Variants in CCR3 observed in about 807,000 individuals in gnomAD.
CCR3 encodes the protein C-C motif chemokine receptor 3.
For synonymous variants in CCR3, 203 were observed against 179.2 expected, an observed-to-expected ratio of 1.13 and a Z score of -1.06; for missense variants, 419 against 437.5, an observed-to-expected ratio of 0.96 and a Z score of 0.38.
Position 46,255,913 on chromosome 3 carries a change from AT to A in CCR3, c.-11-9227del, listed in dbSNP as rs372773047. On this transcript the variant is annotated intron_variant, in intron 1 of 1. Coordinates refer to ENST00000395940, the MANE Select transcript of CCR3 (RefSeq NM_178329.3). The stretch of plus-strand genomic sequence containing the variant: ...TTTTTGGTTCCATGTGAATTTTGGG[AT>A]TTTTTTTCAAGTTCTGTGAAGAATA... Among the ~76,000 whole-genome samples, 200 of 150,676 alleles carry A rather than the reference AT, an allele frequency of 1.3e-3. 1 individual carries two copies. Among genetic ancestry groups the A allele is most frequent in the African/African-American group, 4.3e-3 (178 of 41,014 alleles).
chr3:46,249,116 C>T (rs1313052511), intron 1 of CCR3, among the ~76,000 whole-genome samples: 2 of 151,878 alleles, frequency 1.3e-5, no homozygotes, highest in Non-Finnish European at 2.9e-5. Flanking sequence ...CATGATTGGT[C>T]GCCAAGGAGG....
intron 1 of CCR3, among the ~76,000 whole-genome samples, chr3:46,255,072 TA>T (rs1319124675): frequency 6.8e-5 from 10 of 147,356 alleles, no homozygotes; most frequent in African/African-American, 2.5e-4. Flanking sequence ...TTTTTTTTTT[TA>T]TTATTATAGC....
At chr3:46,236,963 C>T (rs530056223) in intron 2 of CCR3, among the ~76,000 whole-genome samples, 2 of 152,336 alleles carry the variant, frequency 1.3e-5, no homozygotes, top group Admixed American at 1.3e-4. Flanking sequence ...CAAATTACCT[C>T]TTGTGAAATT....
chr3:46,262,820 A>G (rs1455068596), intron 1 of CCR3, among the ~76,000 whole-genome samples: 1 of 152,042 alleles, frequency 6.6e-6, no homozygotes, highest in Non-Finnish European at 1.5e-5. Flanking sequence ...ATGCCTGGCT[A>G]ATTTCTTATT....
Position 46,265,816 on chromosome 3 carries a change from A to C in CCR3, c.658A>C (p.Thr220Pro). Residue 220 changes from threonine (T) to proline (P), a missense_variant, in exon 2 of 2, where the codon ACA becomes CCA. Physicochemically the swap from Thr to Pro is conservative, Grantham distance 38. Coordinates refer to ENST00000395940, the MANE Select transcript of CCR3 (RefSeq NM_178329.3). Reference protein sequence around the residue: ...LPLLVMAICYTGIIKTLLRCP... With the variant: ...LPLLVMAICYPGIIKTLLRCP... ...TCTGCTCGTTATGGCCATCTGCTACACAGGAATCATCAAAACGCTGCTGAG... is the reference window on the plus strand; with the variant it reads ...TCTGCTCGTTATGGCCATCTGCTACCCAGGAATCATCAAAACGCTGCTGAG... 6.2e-7 allele frequency: 1 copy of C among 1,614,044 alleles called. No individual in the cohort carries two copies. Among genetic ancestry groups the C allele is most frequent in the Non-Finnish European group, 8.5e-7 (1 of 1,180,000 alleles).
chr3:46,229,070 T>C lies in CCR3; in HGVS notation c.-67-13332T>C, dbSNP rs572239127. Among the ~76,000 whole-genome samples, 203 of 152,352 alleles carry C rather than the reference T, an allele frequency of 1.3e-3. 2 individuals carry two copies. The highest frequency in any genetic ancestry group is 4.1e-3 in the African/African-American group (171 of 41,586). On this transcript the variant is annotated intron_variant, in intron 2 of 3. Coordinates refer to the CCR3 transcript ENST00000357422. ...AGCTTGTGGGCACATAGGTAGACTG[T>C]ATTTCCAGTCTCTCTTGCATGTGCG...
chr3:46,256,271 C>T (rs1037932247), intron 1 of CCR3, among the ~76,000 whole-genome samples: 2 of 152,074 alleles, frequency 1.3e-5, no homozygotes, highest in Non-Finnish European at 2.9e-5. Context: ...ATTATTACAT[C>T]TGGCTTTTCA....
At chr3:46,240,673 A>G (rs184081710), upstream of CCR3, among the ~76,000 whole-genome samples, 22 of 152,294 alleles carry the variant, frequency 1.4e-4, no homozygotes, top group East Asian at 3.7e-3. Context: ...TGTCATGACA[A>G]CTATGATAAG....
At position 46,266,154 on chromosome 3, in the gene CCR3, T is replaced by C; in HGVS notation, c.996T>C (p.Pro332=). 1.2e-6 allele frequency: 2 copies of C among 1,614,054 alleles called. No homozygotes were observed. The highest frequency in any genetic ancestry group is 1.7e-6 in the Non-Finnish European group (2 of 1,179,974). The part of the protein sequence containing the change: ...MHLGRYIPFL[P]SEKLERTSSV... The stretch of plus-strand genomic sequence containing the variant: ...TGGGCAGATACATCCCATTCCTTCC[T>C]AGTGAGAAGCTGGAAAGAACCAGCT... Residue 332 remains proline, a synonymous_variant, in exon 2 of 2, where the codon CCT becomes CCC. Transcript: ENST00000395940.
intron 2 of CCR3, among the ~76,000 whole-genome samples, chr3:46,220,532 A>G (rs772531487): frequency 6.6e-6 from 1 of 152,224 alleles, no homozygotes; most frequent in African/African-American, 2.4e-5. Flanking sequence ...AGTCGTTACA[A>G]TGAAAAAGGC....
chr3:46,266,110 A>C lies in CCR3; in HGVS notation c.952A>C (p.Arg318=). ...FRKYLRHFFH[R]HLLMHLGRYI... ...GAAGTACCTGCGCCACTTCTTCCACAGGCACTTGCTCATGCACCTGGGCAG... is the reference window on the plus strand; with the variant it reads ...GAAGTACCTGCGCCACTTCTTCCACCGGCACTTGCTCATGCACCTGGGCAG... The change falls in exon 2 of 2, where the codon AGG becomes CGG. Residue 318 remains arginine (R), a synonymous_variant. Transcript: ENST00000395940. 6.2e-7 allele frequency: 1 copy of C among 1,614,048 alleles called. No homozygotes were observed.
chr3:46,223,632 A>G (rs185069956), intron 2 of CCR3, among the ~76,000 whole-genome samples: 2 of 152,160 alleles, frequency 1.3e-5, no homozygotes, highest in Admixed American at 6.5e-5. Context: ...GTGTGCATGT[A>G]TGTATGTGTG....
chr3:46,246,917 G>C (rs1450548597), intron 1 of CCR3, among the ~76,000 whole-genome samples: 2 of 151,884 alleles, frequency 1.3e-5, no homozygotes, highest in Non-Finnish European at 2.9e-5. Context: ...TGTGGTAAGG[G>C]GTGATATTGT....
upstream of CCR3, among the ~76,000 whole-genome samples, chr3:46,237,824 A>G (rs1353109595): frequency 1.3e-5 from 2 of 152,206 alleles, no homozygotes; most frequent in African/African-American, 4.8e-5. Context: ...TTTGGGTTAC[A>G]ATGTAAGCTG....
intron 2 of CCR3, among the ~76,000 whole-genome samples, chr3:46,218,424 C>A (rs11929489): frequency 0.16 from 25,023 of 151,804 alleles, 2,989 homozygotes; most frequent in African/African-American, 0.33. Flanking sequence ...ATCCTACTGA[C>A]ACTATTCCAA....
chr3:46,241,802 T>G (rs1246579776), upstream of CCR3, among the ~76,000 whole-genome samples: 55 of 152,262 alleles, frequency 3.6e-4, no homozygotes, highest in Non-Finnish European at 4.4e-5. Flanking sequence ...AGTTTATTCC[T>G]TTGCCGGGAA....
chr3:46,264,263 G>C (rs1326578623), intron 1 of CCR3: 3 of 712,664 alleles, frequency 4.2e-6, no homozygotes, highest in Middle Eastern at 2.4e-4. Context: ...GCCTAACTCA[G>C]CATCACCAGG....
chr3:46,225,025 C>T (rs1037374386), intron 2 of CCR3, among the ~76,000 whole-genome samples: 1 of 152,162 alleles, frequency 6.6e-6, no homozygotes, highest in African/African-American at 2.4e-5. Context: ...TAGTCTCAAA[C>T]TGATAGTCCA....
chr3:46,236,325 A>T (rs1346865472), intron 2 of CCR3, among the ~76,000 whole-genome samples: 1 of 152,222 alleles, frequency 6.6e-6, no homozygotes, highest in Non-Finnish European at 1.5e-5. Flanking sequence ...GAGAGAAGAG[A>T]AAAGGGAAGA....
Sources: allele counts gnomAD v4.1 joint callset (sites outside exome capture counted in the v4.1 genomes callset), GRCh38; gene constraint gnomAD v4.1.1; transcripts MANE v1.5; gene names NCBI Gene and HGNC (gene_info 2026-07-23, HGNC 2026-07-21).